MAP4: variants seen among roughly 807,000 people sequenced by gnomAD.
MAP4 encodes microtubule associated protein 4.
A neutral mutation model predicts 170.2 loss-of-function variants in MAP4; 76 were observed. The observed-to-expected ratio is 0.45, with a 90% CI of 0.37 to 0.54. The LOEUF is 0.54. MAP4 is among the 20% of genes least tolerant of loss of function. The pLI, the probability that MAP4 is intolerant of heterozygous loss-of-function variation, is 0.00. For synonymous variants in MAP4, 909 were observed against 994.5 expected (o/e 0.91, Z 1.62); for missense variants, 2,506 against 2,748.0 (o/e 0.91, Z 1.97).
At chr3:48,082,207 A>G (rs1476148136) in intron 1 of MAP4, among the ~76,000 whole-genome samples, 1 of 152,252 alleles carries the variant, frequency 6.6e-6, no homozygotes, top group Non-Finnish European at 1.5e-5. Flanking sequence ...ACAGAATAAT[A>G]TAATCAACGC....
chr3:48,018,223 G>A (rs75569535), upstream of MAP4, among the ~76,000 whole-genome samples: 2,960 of 152,294 alleles, frequency 0.019, 39 homozygotes, highest in Non-Finnish European at 0.029. Flanking sequence ...GTAGTTAGTT[G>A]TATATACCAG....
At chr3:47,907,330 C>T (rs146644380) in intron 9 of MAP4, among the ~76,000 whole-genome samples, 4 of 152,246 alleles carry the variant, frequency 2.6e-5, no homozygotes, top group African/African-American at 4.8e-5. Flanking sequence ...AGCTGGAAGG[C>T]GGTTAATGGA....
intron 2 of MAP4, among the ~76,000 whole-genome samples, chr3:47,986,532 G>C (rs576872725): frequency 5.9e-5 from 9 of 152,064 alleles, no homozygotes; most frequent in Middle Eastern, 3.4e-3. Flanking sequence ...GTAGAGGCGG[G>C]GTTTTGCCAT....
chr3:47,988,702 G>C (rs906220175), intron 2 of MAP4, among the ~76,000 whole-genome samples: 1 of 151,754 alleles, frequency 6.6e-6, no homozygotes, highest in African/African-American at 2.4e-5. Flanking sequence ...AATTCTATTT[G>C]AATTTAAAAA....
chr3:47,950,689 C>T (rs2154095253), intron 3 of MAP4, among the ~76,000 whole-genome samples: 1 of 152,214 alleles, frequency 6.6e-6, no homozygotes, highest in East Asian at 1.9e-4. Flanking sequence ...ATCAGTGAAG[C>T]TTTTCAAGTA....
At chr3:47,973,571 G>A (rs911726913) in intron 3 of MAP4, 2 of 984,244 alleles carry the variant, frequency 2.0e-6, no homozygotes, top group African/African-American at 3.5e-5. Context: ...AAACATATTT[G>A]AAAAAAACAA....
At position 47,998,351 on chromosome 3, in the gene MAP4, C is replaced by T. The variant is rs1220114200; in HGVS notation, c.223+287G>A. Among the ~76,000 whole-genome samples the T allele has an allele frequency of 2.6e-5, 4 of 152,108 alleles. No individual in the cohort carries two copies. In the East Asian group the frequency reaches 5.8e-4, roughly 22 times the overall value. On this transcript the variant is annotated intron_variant, in intron 2 of 20. Transcript: ENST00000683076. ...TTATTTAACTTTTCAAAGCTACTTTCAGAGAAAAGGCACAGTAGACAGTTT... is the reference window on the plus strand; with the variant it reads ...TTATTTAACTTTTCAAAGCTACTTTTAGAGAAAAGGCACAGTAGACAGTTT...
chr3:47,979,315 G>A (rs2100084085), intron 2 of MAP4, among the ~76,000 whole-genome samples: 1 of 151,964 alleles, frequency 6.6e-6, no homozygotes, highest in African/African-American at 2.4e-5. Flanking sequence ...AAAGTCATCT[G>A]CATTCTATTG....
In MAP4 at chr3:47,916,525, C is replaced by T; in HGVS notation, c.1302G>A (p.Glu434=). The T allele has an allele frequency of 6.2e-7, 1 of 1,614,130 alleles. No homozygotes were observed. Among genetic ancestry groups the T allele is most frequent in the South Asian group, 1.1e-5 (1 of 91,086 alleles). ...CTGTTTCTGAGGACAAAGCCACCTT[C>T]TCAGCAGAGGATATTTCTGTGGATG... ...IISSTEISSA[E]KVALSSETEV... is the part of the protein sequence containing the mutation. The change falls in exon 7 of 21, where the codon GAG becomes GAA. Residue 434 remains glutamate, a synonymous_variant. Coordinates refer to ENST00000683076, the MANE Select transcript of MAP4 (RefSeq NM_001385682.1).
chr3:47,879,969 C>G (rs958024189), intron 10 of MAP4, among the ~76,000 whole-genome samples: 1 of 152,212 alleles, frequency 6.6e-6, no homozygotes, highest in Admixed American at 6.5e-5. Flanking sequence ...TGTAGGCTTT[C>G]TGTAGACGCT....
intron 1 of MAP4, among the ~76,000 whole-genome samples, chr3:48,044,398 AC>A (rs1335080998): frequency 6.8e-6 from 1 of 147,128 alleles, no homozygotes; most frequent in African/African-American, 2.5e-5. Flanking sequence ...CTCGTGATCC[AC>A]CCGCATCAGC....
intron 17 of MAP4, among the ~76,000 whole-genome samples, chr3:47,864,454 A>T (rs962397449): frequency 6.6e-6 from 1 of 152,156 alleles, no homozygotes; most frequent in Non-Finnish European, 1.5e-5. Context: ...AGGCGGGCGG[A>T]TCATGAGGTC....
rs945319580 is a variant in MAP4 at position 47,852,829 on chromosome 3, G to A, written c.*105C>T. 6 of 1,552,242 alleles carry A rather than the reference G, an allele frequency of 3.9e-6. No individual in the cohort carries two copies. The African/African-American group carries it at 5.5e-5, about 14-fold the overall frequency. On this transcript the variant is annotated 3_prime_UTR_variant, in exon 21 of 21. Transcript: ENST00000683076. ...CCGGGAAAGGGGGCCAAGGACCCGG[G>A]AGCCCGAGTTGGGGCCGCCAGGGAA...
At chr3:47,921,923 C>T (rs747861661) in intron 4 of MAP4, 45 bp from the exon 5 acceptor site, 1 of 828,346 alleles carries the variant, frequency 1.2e-6, no homozygotes, top group South Asian at 1.4e-5. Flanking sequence ...GTGAATGCAA[C>T]TAGAAAGATT....
intron 17 of MAP4, among the ~76,000 whole-genome samples, chr3:47,866,702 T>A (rs977162666): frequency 2.6e-5 from 4 of 152,078 alleles, no homozygotes; most frequent in African/African-American, 9.7e-5. Flanking sequence ...TGCAGTGAGC[T>A]GAGATCACAC....
chr3:47,853,852 C>T (rs887615933), intron 19 of MAP4, among the ~76,000 whole-genome samples: 1 of 152,096 alleles, frequency 6.6e-6, no homozygotes, highest in Admixed American at 6.5e-5. Context: ...CTTGTCTGTG[C>T]GGGGCACCAT....
chr3:47,864,852 G>A (rs1179921220), intron 17 of MAP4, among the ~76,000 whole-genome samples: 1 of 152,180 alleles, frequency 6.6e-6, no homozygotes, highest in Non-Finnish European at 1.5e-5. Context: ...GGGCGACAGA[G>A]CAAGACTTTT....
At chr3:47,975,654 A>C (rs2100081643) in intron 3 of MAP4, among the ~76,000 whole-genome samples, 1 of 152,200 alleles carries the variant, frequency 6.6e-6, no homozygotes, top group Admixed American at 6.5e-5. Context: ...GAATTTTCAA[A>C]ATGGCATTGA....
intron 1 of MAP4, among the ~76,000 whole-genome samples, chr3:48,066,763 C>T (rs1254106729): frequency 6.9e-6 from 1 of 145,230 alleles, no homozygotes; most frequent in Non-Finnish European, 1.5e-5. Flanking sequence ...CGAGGGACAA[C>T]TGTATTTGAA....
Sources: gnomAD v4.1 joint callset for allele counts (sites outside exome capture counted in the v4.1 genomes callset) on GRCh38, gnomAD v4.1.1 for gene constraint, MANE v1.5 for transcripts, NCBI Gene and HGNC (gene_info 2026-07-23, HGNC 2026-07-21) for gene names.